Variants in FAM174A observed in about 807,000 individuals in gnomAD.
The protein encoded by FAM174A is family with sequence similarity 174 member A.
Under a neutral mutation model 14.3 loss-of-function variants are expected in FAM174A, and 14 were observed. That is an observed-to-expected ratio of 0.98 (90% CI 0.65 to 1.53). FAM174A has a LOEUF of 1.53. Among genes scored for constraint, FAM174A ranks in the 40% most tolerant of loss-of-function variants. The pLI is 0.00. For synonymous variants in FAM174A, 108 were observed against 111.4 expected (o/e 0.97, Z 0.19); for missense variants, 241 against 249.6 (o/e 0.97, Z 0.23).
chr5:100,563,512 GAA>G (rs778426906), intron 2 of FAM174A, among the ~76,000 whole-genome samples: 1 of 151,780 alleles, frequency 6.6e-6, no homozygotes, highest in Non-Finnish European at 1.5e-5. Flanking sequence ...TGACAGATCT[GAA>G]GTAGGAAATT....
At chr5:100,548,299 G>A (rs1480249603) in intron 1 of FAM174A, among the ~76,000 whole-genome samples, 1 of 152,028 alleles carries the variant, frequency 6.6e-6, no homozygotes, top group Non-Finnish European at 1.5e-5. Flanking sequence ...TCTAAACAAA[G>A]CAGATTCTAT....
chr5:100,571,985 A>G (rs1746792060), intron 2 of FAM174A, among the ~76,000 whole-genome samples: 1 of 151,830 alleles, frequency 6.6e-6, no homozygotes, highest in Non-Finnish European at 1.5e-5. Flanking sequence ...GAAACATATA[A>G]CTGTTGCAGT....
In FAM174A at chr5:100,562,065, G is replaced by T. The variant is rs1484547492; in HGVS notation, c.446G>T (p.Arg149Ile). 6.4e-7 allele frequency: 1 copy of T among 1,566,638 alleles called. No individual in the cohort carries two copies. Among genetic ancestry groups the T allele is most frequent in the South Asian group, 1.2e-5 (1 of 85,498 alleles). The change falls in exon 2 of 3, where the codon AGA (arginine) becomes ATA (isoleucine). Residue 149 changes from arginine to isoleucine, a missense_variant. Physicochemically the swap from Arg to Ile is moderately conservative, Grantham distance 97 (BLOSUM62 -3). Transcript: ENST00000312637. Reference protein sequence around the residue: ...FVVRTVRMRRRNRKTRRYGVL... With the variant: ...FVVRTVRMRRINRKTRRYGVL... ...GTTCTATTTGATAGGATGAGAAGAA[G>T]AAACCGAAAGACTAGGAGATATGGA... is the stretch of plus-strand genomic sequence containing the variant.
rs1746636325 is a variant in FAM174A at position 100,565,992 on chromosome 5, G to C, written c.569+3804G>C. Among the ~76,000 whole-genome samples, 3 of 148,610 alleles carry C rather than the reference G, an allele frequency of 2.0e-5. No individual in the cohort carries two copies. The South Asian group carries it at 6.3e-4, about 31-fold the overall frequency. The stretch of plus-strand genomic sequence containing the variant: ...AGACTTATTCAATATCATAAGAACA[G>C]CATGGGAAAAACTTGCCCCTGTGTT... On this transcript the variant is annotated intron_variant, in intron 2 of 2. Coordinates refer to ENST00000312637, the MANE Select transcript of FAM174A (RefSeq NM_198507.3).
intron 1 of FAM174A, among the ~76,000 whole-genome samples, chr5:100,560,213 C>T (rs917463095): frequency 7.2e-5 from 11 of 152,112 alleles, no homozygotes; most frequent in African/African-American, 2.7e-4. Context: ...TGGAGGTCCA[C>T]TCCAGACCCT....
chr5:100,560,278 G>A (rs892350978), intron 1 of FAM174A, among the ~76,000 whole-genome samples: 1 of 152,096 alleles, frequency 6.6e-6, no homozygotes, highest in African/African-American at 2.4e-5. Flanking sequence ...CATGGTGTGT[G>A]TGGGTGTGTT....
At chr5:100,560,310 A>G (rs1746498372) in intron 1 of FAM174A, among the ~76,000 whole-genome samples, 1 of 152,138 alleles carries the variant, frequency 6.6e-6, no homozygotes. Context: ...ACACACATAT[A>G]CATGTTAATG....
chr5:100,582,307 A>G (rs1372959136), intron 2 of FAM174A, among the ~76,000 whole-genome samples: 1 of 152,146 alleles, frequency 6.6e-6, no homozygotes, highest in African/African-American at 2.4e-5. Flanking sequence ...TTAGAACCTC[A>G]TTATCTTATA....
rs58368716 is a variant in FAM174A at position 100,549,774 on chromosome 5, T to A, written c.435-12280T>A. Among the ~76,000 whole-genome samples, 508 of 152,078 alleles carry A rather than the reference T, an allele frequency of 3.3e-3. 1 individual carries two copies. Among genetic ancestry groups the A allele is most frequent in the African/African-American group, 0.011 (476 of 41,528 alleles). ...GTCAAGCTAATAGAGAGGGTTTTTT[T>A]AAAAATATGAAAAAATGCTAAAGGA... is the stretch of plus-strand genomic sequence containing the variant. On this transcript the variant is annotated intron_variant, in intron 1 of 2. Coordinates refer to ENST00000312637, the MANE Select transcript of FAM174A (RefSeq NM_198507.3).
chr5:100,573,114 G>A (rs1746827032), intron 2 of FAM174A, among the ~76,000 whole-genome samples: 1 of 152,026 alleles, frequency 6.6e-6, no homozygotes, highest in Non-Finnish European at 1.5e-5. Context: ...TTTTTTTCTT[G>A]TAAATTTGTT....
intron 1 of FAM174A, among the ~76,000 whole-genome samples, chr5:100,538,529 G>GTATA (rs374064683): frequency 2.0e-5 from 3 of 150,946 alleles, no homozygotes; most frequent in African/African-American, 4.9e-5. Flanking sequence ...ATATGTAAGT[G>GTATA]TATATATATA....
chr5:100,542,415 C>G (rs192238868), intron 1 of FAM174A, among the ~76,000 whole-genome samples: 1 of 152,316 alleles, frequency 6.6e-6, no homozygotes, highest in East Asian at 1.9e-4. Flanking sequence ...CTTTTGCTTA[C>G]CATTCACATA....
At chr5:100,572,784 G>A (rs1041938262) in intron 2 of FAM174A, among the ~76,000 whole-genome samples, 2 of 152,108 alleles carry the variant, frequency 1.3e-5, no homozygotes, top group East Asian at 3.9e-4. Context: ...GGATGGCTGG[G>A]TCAAATGGCA....
rs1206412099 is a variant in FAM174A at position 100,542,844 on chromosome 5, A to ATG, written c.434+6881_434+6882insGT. On this transcript the variant is annotated intron_variant, in intron 1 of 2. Coordinates refer to ENST00000312637, the MANE Select transcript of FAM174A (RefSeq NM_198507.3). Reference sequence around the variant, plus strand: ...TCCTGCTTATTATATTTATATATATATATGTGTGTGTGTGTGTGTGTATAA... The same window carrying ATG: ...TCCTGCTTATTATATTTATATATATATGTATGTGTGTGTGTGTGTGTGTATAA... 3.9e-4 allele frequency among the ~76,000 whole-genome samples: 58 copies of ATG among 149,306 alleles called. 1 individual carries two copies. Among genetic ancestry groups the ATG allele is most frequent in the South Asian group, 6.2e-4 (3 of 4,810 alleles).
intron 2 of FAM174A, among the ~76,000 whole-genome samples, chr5:100,584,668 A>C (rs1454585984): frequency 6.6e-6 from 1 of 152,222 alleles, no homozygotes; most frequent in Non-Finnish European, 1.5e-5. Context: ...TCATGCAACC[A>C]CACAAAAGCT....
At chr5:100,551,307 C>G (rs1746258213) in intron 1 of FAM174A, among the ~76,000 whole-genome samples, 1 of 152,122 alleles carries the variant, frequency 6.6e-6, no homozygotes, top group African/African-American at 2.4e-5. Flanking sequence ...GGGTCCATCA[C>G]AGCATTCATG....
At chr5:100,546,178 A>T (rs115341361) in intron 1 of FAM174A, among the ~76,000 whole-genome samples, 315 of 152,334 alleles carry the variant, frequency 2.1e-3, no homozygotes, top group Non-Finnish European at 3.3e-3. Context: ...TCCATGTGGT[A>T]ACAGCAATTT....
intron 1 of FAM174A, among the ~76,000 whole-genome samples, chr5:100,550,056 A>G (rs1341107161): frequency 6.6e-6 from 1 of 152,178 alleles, no homozygotes; most frequent in African/African-American, 2.4e-5. Flanking sequence ...TCAGTTATTC[A>G]TAGTGTATAT....
At chr5:100,552,384 G>A (rs1305193332) in intron 1 of FAM174A, among the ~76,000 whole-genome samples, 1 of 151,896 alleles carries the variant, frequency 6.6e-6, no homozygotes, top group Non-Finnish European at 1.5e-5. Flanking sequence ...GTATATGTGT[G>A]TGTATAGTAA....
Sources: allele counts gnomAD v4.1 joint callset (sites outside exome capture counted in the v4.1 genomes callset), GRCh38; gene constraint gnomAD v4.1.1; transcripts MANE v1.5; gene names NCBI Gene and HGNC (gene_info 2026-07-23, HGNC 2026-07-21).